TBCD: variants seen among roughly 807,000 people sequenced by gnomAD.
TBCD encodes the protein tubulin-specific chaperone D.
Under a neutral mutation model 169.3 loss-of-function variants are expected in TBCD, and 105 were observed. That is an observed-to-expected ratio of 0.62 (90% CI 0.53 to 0.73). TBCD has a LOEUF of 0.73. TBCD is among the 30% of genes least tolerant of loss of function. TBCD has a pLI of 0.00. For missense variants in TBCD, 1,444 were observed against 1,600.1 expected (o/e 0.90, Z 1.66); for synonymous variants, 700 against 643.9 (o/e 1.09, Z -1.32).
At chr17:82,811,376 C>T (rs950410465) in intron 12 of TBCD, among the ~76,000 whole-genome samples, 2 of 152,270 alleles carry the variant, frequency 1.3e-5, no homozygotes, top group African/African-American at 2.4e-5. Flanking sequence ...CTTACTCTAG[C>T]TCACCTTCTT....
At chr17:82,836,508 C>T (rs2053988691) in intron 13 of TBCD, among the ~76,000 whole-genome samples, 1 of 152,158 alleles carries the variant, frequency 6.6e-6, no homozygotes, top group Non-Finnish European at 1.5e-5. Context: ...CAGATGATTC[C>T]CTCAGGATTT....
chr17:82,783,495 C>T (rs1477070077), intron 7 of TBCD, among the ~76,000 whole-genome samples: 1 of 152,202 alleles, frequency 6.6e-6, no homozygotes, highest in Non-Finnish European at 1.5e-5. Flanking sequence ...ACCTTGATTG[C>T]ACCGAGCAGT....
intron 7 of TBCD, chr17:82,795,451 GC>G: frequency 1.2e-6 from 1 of 807,416 alleles, no homozygotes; most frequent in Non-Finnish European, 1.5e-6. Context: ...TTAGGTTCTG[GC>G]CTTTCCCACT....
chr17:82,770,653 G>A (rs1290676368), intron 5 of TBCD, among the ~76,000 whole-genome samples: 1 of 151,896 alleles, frequency 6.6e-6, no homozygotes, highest in African/African-American at 2.4e-5. Flanking sequence ...ACTTGTCTGT[G>A]GAGAGGGACT....
Position 82,756,179 on chromosome 17 carries a change from T to C in TBCD, c.199T>C (p.Tyr67His). Residue 67 changes from tyrosine to histidine, a missense_variant, in exon 2 of 39, where the codon TAC (tyrosine) becomes CAC (histidine). Tyr to His is a moderately conservative substitution (Grantham distance 83, BLOSUM62 2). Transcript: ENST00000355528. Reference sequence around the variant, plus strand: ...TTTGTTTTTAGTAATAATGGACAAATACCAGGAGCAGCCTCATCTGTTGGA... The same window carrying C: ...TTTGTTTTTAGTAATAATGGACAAACACCAGGAGCAGCCTCATCTGTTGGA... Reference protein sequence around the residue: ...LERFRVIMDKYQEQPHLLDPH... With the variant: ...LERFRVIMDKHQEQPHLLDPH... The C allele has an allele frequency of 1.2e-6, 2 of 1,609,924 alleles. No individual in the cohort carries two copies. Among genetic ancestry groups the C allele is most frequent in the Non-Finnish European group, 1.7e-6 (2 of 1,177,848 alleles).
intron 13 of TBCD, chr17:82,829,789 G>C (rs1289432527): frequency 3.9e-6 from 1 of 257,350 alleles, no homozygotes; most frequent in African/African-American, 2.2e-5. Flanking sequence ...CAAATATGCA[G>C]CTAGAGCTAA....
In TBCD at chr17:82,884,323, G is replaced by A; in HGVS notation, c.1533+121G>A. ...CCCATCCACAGCAGGAGCCGCGAGG[G>A]AGCTGCTGAGAGTGCCAGCTGCGGG... is the stretch of plus-strand genomic sequence containing the variant. On this transcript the variant is annotated intron_variant, in intron 15 of 38. Coordinates refer to ENST00000355528, the MANE Select transcript of TBCD (RefSeq NM_005993.5). This position sits in a 1 kb window ranked among gnomAD's most constrained non-coding sequence, Gnocchi z 4.2. The A allele has an allele frequency of 1.1e-6, 1 of 895,972 alleles. No individual in the cohort carries two copies. Among genetic ancestry groups the A allele is most frequent in the Non-Finnish European group, 1.8e-6 (1 of 564,536 alleles). The allele number at this position is 895,972 out of a possible 1,614,324, so 55.5% of individuals were successfully genotyped here. A position where few individuals can be genotyped will look rare whatever the true frequency, so the allele number is the denominator to read the frequency against.
chr17:82,941,290 A>G (rs1307178233), intron 37 of TBCD, 109 bp from the exon 38 acceptor site: 2 of 870,550 alleles, frequency 2.3e-6, no homozygotes, highest in Admixed American at 2.6e-5. Context: ...GTCGGGGGTG[A>G]GGTCTCCTTT....
chr17:82,822,511 A>C (rs2052498471), intron 13 of TBCD, among the ~76,000 whole-genome samples: 1 of 152,218 alleles, frequency 6.6e-6, no homozygotes, highest in Non-Finnish European at 1.5e-5. Context: ...GGACAGCGGA[A>C]AGAGCAGAAG....
chr17:82,817,044 G>T (rs2051976037), intron 13 of TBCD, among the ~76,000 whole-genome samples: 1 of 152,164 alleles, frequency 6.6e-6, no homozygotes, highest in Non-Finnish European at 1.5e-5. Flanking sequence ...GTTGTTGTAA[G>T]TAAGAGTTTT....
At chr17:82,860,261 G>A in intron 13 of TBCD, 1 of 534,268 alleles carries the variant, frequency 1.9e-6, no homozygotes, top group Non-Finnish European at 2.4e-6. Context: ...GCGGGTAGGA[G>A]CGCCCTGGCT....
chr17:82,929,187 G>A lies in TBCD; in HGVS notation c.2768G>A (p.Ser923Asn), dbSNP rs3214033. The change falls in exon 31 of 39, where the codon AGC becomes AAC. Residue 923 changes from serine to asparagine, a missense_variant. Transcript: ENST00000355528. ...KIDRFRAHAA[S>N]VFLTLLHFDS... ...GACCGTTTCCGTGCTCACGCCGCCA[G>A]CGTGTTCCTGACGCTCCTGCACTTT... 3.0e-4 allele frequency: 488 copies of A among 1,613,898 alleles called. 3 individuals are homozygous for A. In the East Asian group the frequency reaches 0.011, roughly 35 times the overall value.
chr17:82,904,372 C>A (rs548353574), intron 19 of TBCD, among the ~76,000 whole-genome samples: 5 of 152,142 alleles, frequency 3.3e-5, no homozygotes, highest in Admixed American at 3.3e-4. Context: ...TGCCACACGA[C>A]GCTCCCTGGT....
At chr17:82,918,810 T>C (rs2073453723) in intron 23 of TBCD, 1 of 152,218 alleles carries the variant, frequency 6.6e-6, no homozygotes, top group African/African-American at 2.4e-5. Flanking sequence ...AAAATTATTT[T>C]AAAAACTAGT....
At chr17:82,908,231 G>A (rs1227689042) in intron 21 of TBCD, 2 of 442,168 alleles carry the variant, frequency 4.5e-6, no homozygotes. Flanking sequence ...TGGGGGCATT[G>A]GGCCCCGTGC....
chr17:82,887,131 C>CTGTGTGTGTGTGTGTGTG (rs771003321), intron 15 of TBCD, among the ~76,000 whole-genome samples: 27 of 123,444 alleles, frequency 2.2e-4, no homozygotes, highest in African/African-American at 6.7e-4. Flanking sequence ...TACCTGTACT[C>CTGTGTGTGTGTGTGTGTG]TGTGTGTGTG....
chr17:82,807,434 A>G (rs1357196356), intron 10 of TBCD, among the ~76,000 whole-genome samples, 174 bp from the exon 11 acceptor site: 1 of 152,160 alleles, frequency 6.6e-6, no homozygotes, highest in East Asian at 1.9e-4. Context: ...GCTGTATGTG[A>G]TGATTTGAGA....
chr17:82,926,362 A>G lies in TBCD; in HGVS notation c.2380-38A>G, dbSNP rs771121571. 3.7e-6 allele frequency: 6 copies of G among 1,600,366 alleles called. No homozygotes were observed. In the South Asian group the frequency reaches 4.4e-5, roughly 12 times the overall value. ...CTCCCTAAAGAGTGCACTTTGTTAT[A>G]GCTTATGGTTCTTCTGTGATTCTTT... On this transcript the variant is annotated intron_variant, in intron 27 of 38. Coordinates refer to ENST00000355528, the MANE Select transcript of TBCD (RefSeq NM_005993.5).
intron 7 of TBCD, among the ~76,000 whole-genome samples, chr17:82,786,610 C>G (rs1258540558): frequency 1.3e-5 from 2 of 152,152 alleles, no homozygotes; most frequent in African/African-American, 4.8e-5. Context: ...CAGGGACTTG[C>G]AGGCAGGTGA....
Sources: allele counts gnomAD v4.1 joint callset (sites outside exome capture counted in the v4.1 genomes callset), GRCh38; gene constraint gnomAD v4.1.1; non-coding constraint Gnocchi (gnomAD v3.1); transcripts MANE v1.5; gene names NCBI Gene and HGNC (gene_info 2026-07-23, HGNC 2026-07-21).